The following ARHGEF7 variants were observed in gnomAD, a reference collection of about 807,000 sequenced individuals.
The protein encoded by ARHGEF7 is Rho guanine nucleotide exchange factor 7, also known as PAK-interacting exchange factor beta.
Under a neutral mutation model 109.8 loss-of-function variants are expected in ARHGEF7, and 33 were observed. That is an observed-to-expected ratio of 0.30 (90% CI 0.23 to 0.40). The LOEUF is 0.40. Among genes scored for constraint, ARHGEF7 ranks in the 10% least tolerant of loss-of-function variants. ARHGEF7 has a pLI of 1.00. For synonymous variants in ARHGEF7, 458 were observed against 424.6 expected (o/e 1.08, Z -0.97); for missense variants, 938 against 1,098.5 (o/e 0.85, Z 2.07).
intron 2 of ARHGEF7, among the ~76,000 whole-genome samples, chr13:111,190,674 G>T (rs901063246): frequency 1.2e-4 from 18 of 152,176 alleles, no homozygotes; most frequent in African/African-American, 4.3e-4. Flanking sequence ...TGACAGACTT[G>T]AGCTTTGAGG....
intron 8 of ARHGEF7, 82 bp from the exon 9 acceptor site, chr13:111,267,466 C>T: frequency 1.3e-6 from 2 of 1,568,512 alleles, no homozygotes; most frequent in South Asian, 1.1e-5. Context: ...TTTCCTTACT[C>T]AGAGTATTAT....
In ARHGEF7 at chr13:111,219,714, A is replaced by G. The variant is rs578181802; in HGVS notation, c.670+1834A>G. 6.6e-5 allele frequency among the ~76,000 whole-genome samples: 10 copies of G among 152,110 alleles called. No individual in the cohort carries two copies. In the South Asian group the frequency reaches 2.1e-3, roughly 32 times the overall value. On this transcript the variant is annotated intron_variant, in intron 5 of 21. Transcript: ENST00000646102. ...GTTGCTACTGTTTTTTGTAGTTGTT[A>G]ATAATGATAATTTAAAAGGCAGTAT...
chr13:111,294,279 T>C (rs1444560519), intron 19 of ARHGEF7: 1 of 985,392 alleles, frequency 1.0e-6, no homozygotes, highest in Non-Finnish European at 1.2e-6. Flanking sequence ...AGCACTTTTT[T>C]GTTTGCCTCG....
intron 5 of ARHGEF7, among the ~76,000 whole-genome samples, chr13:111,221,347 ATAT>A (rs1480085767): frequency 0.13 from 3,765 of 29,350 alleles, 1,775 homozygotes; most frequent in East Asian, 0.22. Flanking sequence ...ATATCTATAT[ATAT>A]GTCTATATAT....
chr13:111,123,873 C>A lies in ARHGEF7; in HGVS notation c.165+8182C>A, dbSNP rs1019307797. 1.4e-3 allele frequency among the ~76,000 whole-genome samples: 169 copies of A among 123,080 alleles called. 1 individual carries two copies. Among genetic ancestry groups the A allele is most frequent in the African/African-American group, 4.6e-3 (157 of 33,800 alleles). 80.7% of individuals were successfully genotyped at this position (123,080 alleles called of 152,430 possible). On this transcript the variant is annotated intron_variant, in intron 1 of 21. Coordinates refer to ENST00000646102, the MANE Select transcript of ARHGEF7 (RefSeq NM_001354046.2). ...GGCTGGTGGGCTGCGCCCCCCCCCC[C>A]CGGCCCCGCCCCCTGCCCCTGCGGC...
chr13:111,115,660 T>A lies in ARHGEF7; in HGVS notation c.134T>A (p.Leu45Gln). 4 of 1,321,176 alleles carry A rather than the reference T, an allele frequency of 3.0e-6. No homozygotes were observed. Among genetic ancestry groups the A allele is most frequent in the Non-Finnish European group, 3.9e-6 (4 of 1,026,626 alleles). 81.8% of individuals were successfully genotyped at this position (1,321,176 alleles called of 1,614,324 possible). Residue 45 changes from leucine (L) to glutamine (Q), a missense_variant, in exon 1 of 22, where the codon CTG (leucine) becomes CAG (glutamine). By Grantham distance (113) the Leu-to-Gln change is moderately radical. Transcript: ENST00000646102. ...GATGGGGTGGTCCTCTGCAGGCTGC[T>A]GGAGCGCCTGCTCCCCGGGACCATC... ...LKDGVVLCRL[L>Q]ERLLPGTIEK...
At chr13:111,241,168 G>A in intron 6 of ARHGEF7, 6 of 1,535,570 alleles carry the variant, frequency 3.9e-6, no homozygotes, top group Non-Finnish European at 5.2e-6. Flanking sequence ...AGCTCTGTGG[G>A]CCTTTCTTCA....
chr13:111,128,423 T>C (rs2067722737), intron 1 of ARHGEF7, among the ~76,000 whole-genome samples: 1 of 151,924 alleles, frequency 6.6e-6, no homozygotes, highest in African/African-American at 2.4e-5. Flanking sequence ...AACCTGGGAG[T>C]TGGAGGTTGC....
At chr13:111,119,287 A>G (rs2067013543) in intron 1 of ARHGEF7, among the ~76,000 whole-genome samples, 1 of 152,234 alleles carries the variant, frequency 6.6e-6, no homozygotes, top group South Asian at 2.1e-4. Context: ...ATAAGGCCCC[A>G]TCCTGAGATA....
chr13:111,280,881 C>T (rs1376703805), intron 15 of ARHGEF7: 4 of 561,374 alleles, frequency 7.1e-6, no homozygotes, highest in South Asian at 2.9e-5. Flanking sequence ...GAGAAACAAC[C>T]CTGAATTGTG....
chr13:111,170,041 C>T (rs2077457566), intron 2 of ARHGEF7, among the ~76,000 whole-genome samples: 1 of 150,766 alleles, frequency 6.6e-6, no homozygotes, highest in South Asian at 2.1e-4. Flanking sequence ...AGAGAAGGCC[C>T]CTCTGCAGAG....
chr13:111,274,018 G>T, intron 10 of ARHGEF7, 66 bp downstream of exon 10: 1 of 1,548,060 alleles, frequency 6.5e-7, no homozygotes, highest in Admixed American at 1.8e-5. Flanking sequence ...CAGACTTACT[G>T]TGAAAGAAAG....
At chr13:111,183,051 G>A (rs1020595825) in intron 2 of ARHGEF7, among the ~76,000 whole-genome samples, 8 of 152,128 alleles carry the variant, frequency 5.3e-5, no homozygotes, top group Admixed American at 2.0e-4. Flanking sequence ...TCAACTTCAC[G>A]ATGTTTTTCA....
chr13:111,277,477 TATC>T, intron 12 of ARHGEF7, 107 bp from the exon 13 acceptor site: 1 of 652,220 alleles, frequency 1.5e-6, no homozygotes, highest in Non-Finnish European at 2.7e-6. Context: ...AAACGAGAAA[TATC>T]ATGTAATGTT....
chr13:111,185,620 T>C (rs971819706), intron 2 of ARHGEF7, among the ~76,000 whole-genome samples: 1 of 152,228 alleles, frequency 6.6e-6, no homozygotes, highest in Non-Finnish European at 1.5e-5. Flanking sequence ...CCCAAGCCAG[T>C]GTGTTGCATC....
intron 19 of ARHGEF7, chr13:111,294,893 G>GT (rs1390995785): frequency 1.0e-6 from 1 of 985,822 alleles, no homozygotes; most frequent in East Asian, 1.1e-4. Flanking sequence ...CTTGCCACAA[G>GT]TATATAATAA....
intron 18 of ARHGEF7, among the ~76,000 whole-genome samples, chr13:111,291,724 A>G (rs1327567173): frequency 1.3e-5 from 2 of 152,346 alleles, no homozygotes; most frequent in East Asian, 3.9e-4. Context: ...AAATGAGACT[A>G]TTTGTTAATT....
At chr13:111,227,300 C>T (rs545294249) in intron 5 of ARHGEF7, among the ~76,000 whole-genome samples, 7 of 152,336 alleles carry the variant, frequency 4.6e-5, no homozygotes, top group Non-Finnish European at 7.3e-5. Context: ...TAGCATCTCA[C>T]GCTCCAGAGA....
intron 4 of ARHGEF7, among the ~76,000 whole-genome samples, chr13:111,214,713 C>T (rs1016623777): frequency 6.6e-6 from 1 of 152,192 alleles, no homozygotes; most frequent in Non-Finnish European, 1.5e-5. Context: ...TGTGTCTGCG[C>T]TGGTAATTGT....
Sources: allele counts gnomAD v4.1 joint callset (sites outside exome capture counted in the v4.1 genomes callset), GRCh38; gene constraint gnomAD v4.1.1; transcripts MANE v1.5; gene names NCBI Gene and HGNC (gene_info 2026-07-23, HGNC 2026-07-21).